Variants in CCDC178 observed in about 807,000 individuals in gnomAD.
CCDC178 encodes the protein coiled-coil domain-containing protein 178.
A neutral mutation model predicts 117.4 loss-of-function variants in CCDC178; 126 were observed. The observed-to-expected ratio is 1.07, with a 90% CI of 0.93 to 1.24. The LOEUF (loss-of-function observed/expected upper bound fraction) is 1.24. Ranked by LOEUF, CCDC178 falls within the 50% of genes most tolerant of loss-of-function variation. CCDC178 has a pLI of 0.00. For missense variants in CCDC178, 1,030 were observed against 986.9 expected (o/e 1.04, Z -0.59); for synonymous variants, 283 against 313.4 (o/e 0.90, Z 1.02).
intron 5 of CCDC178, among the ~76,000 whole-genome samples, chr18:33,384,923 C>G (rs1407866645): frequency 6.6e-6 from 1 of 152,082 alleles, no homozygotes; most frequent in African/African-American, 2.4e-5. Flanking sequence ...GAATGGCAAG[C>G]TGGATACAAA....
chr18:32,938,251 A>G (rs2054163640), intron 22 of CCDC178, 160 bp from the exon 23 acceptor site: 1 of 573,776 alleles, frequency 1.7e-6, no homozygotes, highest in South Asian at 2.4e-5. Flanking sequence ...TATAAACCCC[A>G]AGGAAGAGTG....
Position 33,211,975 on chromosome 18 carries a change from C to T in CCDC178, c.2159G>A (p.Cys720Tyr), listed in dbSNP as rs2144590253. 6.2e-7 allele frequency: 1 copy of T among 1,609,712 alleles called. No individual in the cohort carries two copies. The highest frequency in any genetic ancestry group is 2.2e-5 in the East Asian group (1 of 44,692). ...FDHYMQEKKD[C>Y]EERIFEEDQR... is the part of the protein sequence containing the mutation. The stretch of plus-strand genomic sequence containing the variant: ...ATCTTCCTCAAAGATTCTCTCTTCA[C>T]AGTCTTTTTTCTCTTGCATATAATG... Residue 720 changes from cysteine to tyrosine, a missense_variant, in exon 20 of 23, where the codon TGT (cysteine) becomes TAT (tyrosine). Physicochemically the swap from Cys to Tyr is radical, Grantham distance 194 (BLOSUM62 -2). Transcript: ENST00000383096.
chr18:33,274,631 A>G (rs1289688459), intron 12 of CCDC178, among the ~76,000 whole-genome samples: 66 of 152,172 alleles, frequency 4.3e-4, no homozygotes, highest in Admixed American at 4.3e-3. Flanking sequence ...ACCAGGGTCT[A>G]TTGTCTTGCC....
intron 2 of CCDC178, among the ~76,000 whole-genome samples, chr18:33,431,191 C>CTT (rs35139388): frequency 0.029 from 3,388 of 117,198 alleles, 81 homozygotes; most frequent in East Asian, 0.11. Context: ...AATGATTTAA[C>CTT]TTTTTTTTTT....
intron 12 of CCDC178, among the ~76,000 whole-genome samples, chr18:33,287,544 C>T (rs1276355887): frequency 2.0e-5 from 3 of 151,914 alleles, no homozygotes; most frequent in Non-Finnish European, 2.9e-5. Flanking sequence ...TTTGGGAGGT[C>T]GAGGTGGGTG....
At chr18:33,257,971 C>T (rs1890052981) in intron 14 of CCDC178, among the ~76,000 whole-genome samples, 1 of 152,042 alleles carries the variant, frequency 6.6e-6, no homozygotes, top group South Asian at 2.1e-4. Flanking sequence ...ACCAGTTTTT[C>T]CTTCATGTCT....
At chr18:33,168,044 T>C (rs2058554505) in intron 20 of CCDC178, among the ~76,000 whole-genome samples, 1 of 152,168 alleles carries the variant, frequency 6.6e-6, no homozygotes, top group Non-Finnish European at 1.5e-5. Flanking sequence ...GTTGTCTGTT[T>C]ACTCTGTGGA....
At chr18:33,286,629 A>T (rs1250316554) in intron 12 of CCDC178, among the ~76,000 whole-genome samples, 1 of 152,180 alleles carries the variant, frequency 6.6e-6, no homozygotes, top group Admixed American at 6.5e-5. Flanking sequence ...AGTAATGTAA[A>T]TTAGATTTCT....
chr18:33,128,999 G>GA (rs1376693527), intron 20 of CCDC178, among the ~76,000 whole-genome samples: 14 of 152,210 alleles, frequency 9.2e-5, no homozygotes, highest in Admixed American at 8.5e-4. Context: ...AAACCGTTAT[G>GA]AGATAGTTAA....
intron 20 of CCDC178, among the ~76,000 whole-genome samples, chr18:33,146,920 T>C (rs1056349339): frequency 1.3e-5 from 2 of 152,174 alleles, no homozygotes; most frequent in South Asian, 2.1e-4. Context: ...TAAAGTTACA[T>C]GATTATTTCA....
In CCDC178 at chr18:33,282,449, G is replaced by A. The variant is rs112540047; in HGVS notation, c.1176+10710C>T. ...TGCAAGCTGGTCCTGCACATCAGAT[G>A]GGACTAGTCTGACCTATGCACTCCT... On this transcript the variant is annotated intron_variant, in intron 12 of 22. Transcript: ENST00000383096. 3.0e-3 allele frequency among the ~76,000 whole-genome samples: 451 copies of A among 152,276 alleles called. 1 individual carries two copies. Among genetic ancestry groups the A allele is most frequent in the Non-Finnish European group, 5.2e-3 (352 of 68,026 alleles).
At chr18:33,166,125 GA>G (rs2058525308) in intron 20 of CCDC178, among the ~76,000 whole-genome samples, 1 of 152,102 alleles carries the variant, frequency 6.6e-6, no homozygotes, top group Non-Finnish European at 1.5e-5. Context: ...ACTACTATTT[GA>G]AAATAGTTTA....
At chr18:33,207,765 G>A (rs2059062643) in intron 20 of CCDC178, among the ~76,000 whole-genome samples, 1 of 151,882 alleles carries the variant, frequency 6.6e-6, no homozygotes, top group South Asian at 2.1e-4. Context: ...TATAGTATTA[G>A]CAGTAATTCT....
chr18:33,128,289 T>A (rs1322403163), intron 20 of CCDC178, among the ~76,000 whole-genome samples: 3 of 152,256 alleles, frequency 2.0e-5, no homozygotes, highest in African/African-American at 7.2e-5. Context: ...TCCCACTTGA[T>A]AATTTTATAA....
chr18:33,340,876 G>T (rs752812997), intron 9 of CCDC178, among the ~76,000 whole-genome samples: 4 of 152,226 alleles, frequency 2.6e-5, no homozygotes, highest in Non-Finnish European at 4.4e-5. Context: ...CTGCTAGGGT[G>T]CTGAGGAAGG....
intron 9 of CCDC178, 112 bp from the exon 10 acceptor site, chr18:33,333,506 CTTTTTTTT>C (rs11361411): frequency 7.8e-5 from 12 of 152,912 alleles, no homozygotes; most frequent in East Asian, 1.7e-4. Context: ...AATCTTACTA[CTTTTTTTT>C]TTTTTTTTTT....
At chr18:33,059,058 TAGGAAAAATC>T (rs552509516) in intron 21 of CCDC178, among the ~76,000 whole-genome samples, 61 of 152,212 alleles carry the variant, frequency 4.0e-4, no homozygotes, top group Middle Eastern at 3.4e-3. Context: ...CCTACAGACT[TAGGAAAAATC>T]AGGAAGAATC....
At position 33,214,165 on chromosome 18, in the gene CCDC178, A is replaced by G. The variant is rs775038404; in HGVS notation, c.2078+1385T>C. ...TAGATTCCCTGAGCCTCTGTTTCTCAGCATTCATTGGAAATGATACAATTT... is the reference window on the plus strand; with the variant it reads ...TAGATTCCCTGAGCCTCTGTTTCTCGGCATTCATTGGAAATGATACAATTT... On this transcript the variant is annotated intron_variant, in intron 19 of 22. Coordinates refer to ENST00000383096, the MANE Select transcript of CCDC178 (RefSeq NM_001105528.4). Among the ~76,000 whole-genome samples, 2 of 152,046 alleles carry G rather than the reference A, an allele frequency of 1.3e-5. 1 individual carries two copies. Among genetic ancestry groups the G allele is most frequent in the Non-Finnish European group, 2.9e-5 (2 of 67,964 alleles).
intron 21 of CCDC178, among the ~76,000 whole-genome samples, chr18:33,060,141 G>A (rs1013434823): frequency 1.3e-5 from 2 of 151,914 alleles, no homozygotes; most frequent in Non-Finnish European, 2.9e-5. Flanking sequence ...AATGAGTCTC[G>A]AATTCTGTTA....
Sources: allele counts gnomAD v4.1 joint callset (sites outside exome capture counted in the v4.1 genomes callset), GRCh38; gene constraint gnomAD v4.1.1; transcripts MANE v1.5; gene names NCBI Gene and HGNC (gene_info 2026-07-23, HGNC 2026-07-21).